ELP4: variants seen among roughly 807,000 people sequenced by gnomAD.
ELP4 encodes the protein elongator acetyltransferase complex subunit 4.
In ELP4, 51 loss-of-function variants were observed where a neutral mutation model predicts 48.9. The observed-to-expected ratio is 1.04, with a 90% CI of 0.83 to 1.32. The LOEUF (loss-of-function observed/expected upper bound fraction) is 1.32. ELP4 is among the 40% of genes most tolerant of loss of function. The pLI is 0.00. For missense variants in ELP4, 519 were observed against 514.6 expected (o/e 1.01, Z -0.08); for synonymous variants, 210 against 189.2 (o/e 1.11, Z -0.90).
chr11:31,757,067 C>T (rs543929618), intron 9 of ELP4, among the ~76,000 whole-genome samples: 2 of 152,180 alleles, frequency 1.3e-5, no homozygotes, highest in African/African-American at 2.4e-5. Flanking sequence ...ATAGAACTAT[C>T]ACCAAAAACT....
At chr11:31,624,926 C>G (rs1944705578) in intron 5 of ELP4, among the ~76,000 whole-genome samples, 2 of 151,594 alleles carry the variant, frequency 1.3e-5, no homozygotes, top group African/African-American at 4.8e-5. Flanking sequence ...TCTTCAGGGA[C>G]AGTAACACAC....
At chr11:31,719,237 G>A (rs1946905908) in intron 9 of ELP4, among the ~76,000 whole-genome samples, 1 of 151,632 alleles carries the variant, frequency 6.6e-6, no homozygotes, top group Non-Finnish European at 1.5e-5. Flanking sequence ...TCCAGCCTGG[G>A]TGACAGAGCA....
chr11:31,771,722 G>A (rs1401415302), intron 9 of ELP4, among the ~76,000 whole-genome samples: 2 of 152,188 alleles, frequency 1.3e-5, no homozygotes, highest in African/African-American at 4.8e-5. Context: ...GCTCACGCCT[G>A]TAATCCCAGC....
chr11:31,538,028 T>C (rs1303247057), intron 2 of ELP4, among the ~76,000 whole-genome samples: 1 of 152,178 alleles, frequency 6.6e-6, no homozygotes, highest in Non-Finnish European at 1.5e-5. Context: ...TTCTATACTC[T>C]CAGAATGTTT....
At position 31,632,236 on chromosome 11, in the gene ELP4, T is replaced by C. The variant is rs562843671; in HGVS notation, c.758T>C (p.Leu253Ser). The change falls in exon 7 of 10, where the codon TTA becomes TCA. Residue 253 changes from leucine (L) to serine (S), a missense_variant. Coordinates refer to ENST00000640961, the MANE Select transcript of ELP4 (RefSeq NM_019040.5). ...SNPQKKQRNILRIGIQNLGSP... is the reference protein window; with the variant it reads ...SNPQKKQRNISRIGIQNLGSP... ...TTTTAGAAAAAACAGAGAAACATTT[T>C]AAGAATAGGAATTCAGAATCTTGGC... The C allele has an allele frequency of 6.3e-7, 1 of 1,599,000 alleles. No individual in the cohort carries two copies. The highest frequency in any genetic ancestry group is 1.1e-5 in the South Asian group (1 of 87,676).
At chr11:31,704,662 A>C (rs896541818) in intron 9 of ELP4, among the ~76,000 whole-genome samples, 6 of 152,106 alleles carry the variant, frequency 3.9e-5, no homozygotes, top group African/African-American at 1.4e-4. Context: ...AAAATTAAAA[A>C]ATAAAAAATA....
chr11:31,569,891 A>G (rs1565058718), intron 3 of ELP4, among the ~76,000 whole-genome samples: 1 of 152,178 alleles, frequency 6.6e-6, no homozygotes, highest in East Asian at 1.9e-4. Flanking sequence ...AAGAAAAGGG[A>G]ATGCTTATAC....
At chr11:31,580,772 C>G (rs1178756155) in intron 3 of ELP4, 1 of 152,330 alleles carries the variant, frequency 6.6e-6, no homozygotes, top group Non-Finnish European at 1.5e-5. Flanking sequence ...ATCTTCCCAC[C>G]TCAGCCTCCC....
intron 2 of ELP4, among the ~76,000 whole-genome samples, chr11:31,538,035 G>A (rs1158205249): frequency 6.6e-6 from 1 of 152,016 alleles, no homozygotes; most frequent in African/African-American, 2.4e-5. Context: ...CTCTCAGAAT[G>A]TTTTGTACTT....
At chr11:31,548,145 G>C (rs1481868815) in intron 3 of ELP4, among the ~76,000 whole-genome samples, 4 of 152,152 alleles carry the variant, frequency 2.6e-5, no homozygotes, top group Admixed American at 6.5e-5. Flanking sequence ...AGGGCAATTA[G>C]GCAGGAGAAG....
At chr11:31,637,249 C>T (rs1030508127) in intron 7 of ELP4, 1 of 151,476 alleles carries the variant, frequency 6.6e-6, no homozygotes, top group African/African-American at 2.4e-5. Flanking sequence ...AGAGGACAGC[C>T]GAACATGTGG....
intron 9 of ELP4, among the ~76,000 whole-genome samples, chr11:31,670,983 GGTTA>G (rs969124599): frequency 6.6e-6 from 1 of 151,636 alleles, no homozygotes; most frequent in African/African-American, 2.4e-5. Flanking sequence ...AAAAAAAGTG[GGTTA>G]GTTATTTTGT....
rs141365629 is a variant in ELP4, at chr11:31,781,488, C to CTT, written c.1144-1876_1144-1875dup. Among the ~76,000 whole-genome samples, 81 of 67,436 alleles carry CTT rather than the reference C, an allele frequency of 1.2e-3. 7 individuals carry two copies. Among genetic ancestry groups the CTT allele is most frequent in the African/African-American group, 3.9e-3 (55 of 14,222 alleles). 44.2% of individuals were successfully genotyped at this position (67,436 alleles called of 152,430 possible). A position where few individuals can be genotyped will look rare whatever the true frequency, so the allele number is the denominator to read the frequency against. ...ATACCTGCCTTTTGGATTCCTGAGCCTTTTTTTTTTTTTTTTTTTTTTTTT... is the reference window on the plus strand; with the variant it reads ...ATACCTGCCTTTTGGATTCCTGAGCCTTTTTTTTTTTTTTTTTTTTTTTTTTT... On this transcript the variant is annotated intron_variant, in intron 9 of 9. Transcript: ENST00000640961.
chr11:31,685,173 A>G (rs1468231820), intron 9 of ELP4, among the ~76,000 whole-genome samples: 1 of 151,984 alleles, frequency 6.6e-6, no homozygotes, highest in Non-Finnish European at 1.5e-5. Context: ...CAACATGGTG[A>G]AACCCTGTCT....
At chr11:31,592,832 C>A (rs1434774304) in intron 3 of ELP4, among the ~76,000 whole-genome samples, 3 of 151,964 alleles carry the variant, frequency 2.0e-5, no homozygotes, top group African/African-American at 7.2e-5. Flanking sequence ...ATAAGTTAAA[C>A]ATATTAATGA....
In ELP4 at chr11:31,788,091, C is replaced by A. The variant is rs1254879789; in HGVS notation, c.*4567C>A. 1.8e-5 allele frequency: 4 copies of A among 222,808 alleles called. No individual in the cohort carries two copies. The highest frequency in any genetic ancestry group is 3.6e-5 in the Non-Finnish European group (4 of 111,482). The allele number at this position is 222,808 out of a possible 1,614,324, so 13.8% of individuals were successfully genotyped here. On this transcript the variant is annotated 3_prime_UTR_variant, in exon 10 of 10. Coordinates refer to ENST00000640961, the MANE Select transcript of ELP4 (RefSeq NM_019040.5). ...GAAAGTCTCAGACAGTCCTTTTTTA[C>A]CCAACAAAGGCTTATTTTTTTCCAT...
chr11:31,669,241 A>G (rs1372479926), intron 9 of ELP4, among the ~76,000 whole-genome samples: 2 of 151,694 alleles, frequency 1.3e-5, no homozygotes, highest in Admixed American at 6.6e-5. Context: ...TGGGACTACC[A>G]TGCCCAGCTA....
intron 3 of ELP4, among the ~76,000 whole-genome samples, chr11:31,588,881 G>A (rs1367171011): frequency 6.6e-6 from 1 of 152,168 alleles, no homozygotes; most frequent in Non-Finnish European, 1.5e-5. Context: ...TGTTCAGGAG[G>A]CTGAGGCATG....
intron 3 of ELP4, among the ~76,000 whole-genome samples, chr11:31,577,707 G>A (rs184738149): frequency 6.6e-6 from 1 of 152,242 alleles, no homozygotes; most frequent in Admixed American, 6.5e-5. Flanking sequence ...ACGATTATAT[G>A]AATAGATGCA....
Sources: gnomAD v4.1 joint callset for allele counts (sites outside exome capture counted in the v4.1 genomes callset) on GRCh38, gnomAD v4.1.1 for gene constraint, MANE v1.5 for transcripts, NCBI Gene and HGNC (gene_info 2026-07-23, HGNC 2026-07-21) for gene names.